Variants in SHANK2 observed in about 807,000 individuals in gnomAD.
The protein encoded by SHANK2 is SH3 and multiple ankyrin repeat domains 2, also known as SH3 and multiple ankyrin repeat domains protein 2.
A neutral mutation model predicts 133.7 loss-of-function variants in SHANK2; 43 were observed. The observed-to-expected ratio is 0.32, with a 90% CI of 0.25 to 0.41. The LOEUF (loss-of-function observed/expected upper bound fraction) is 0.41, where lower values mean the gene tolerates loss of function less well. Ranked by LOEUF, SHANK2 falls within the 10% of genes least tolerant of loss-of-function variation. The probability of loss-of-function intolerance (pLI) is 1.00; values close to 1 mark genes in which losing one functional copy is unlikely to be tolerated. For synonymous variants in SHANK2, 1,017 were observed against 952.8 expected, an observed-to-expected ratio of 1.07 and a Z score of -1.24; for missense variants, 1,994 against 2,235.8, an observed-to-expected ratio of 0.89 and a Z score of 2.18.
intron 14 of SHANK2, among the ~76,000 whole-genome samples, chr11:70,747,454 C>T (rs963841586): frequency 3.3e-5 from 5 of 152,306 alleles, no homozygotes; most frequent in South Asian, 2.1e-4. Context: ...CCATGGGGGC[C>T]GGGTTTCCTT....
At chr11:70,797,410 G>T (rs936872131) in intron 14 of SHANK2, among the ~76,000 whole-genome samples, 1 of 152,198 alleles carries the variant, frequency 6.6e-6, no homozygotes, top group African/African-American at 2.4e-5. Flanking sequence ...GGACTCATCA[G>T]CAGGGAAGCT....
At chr11:71,153,614 C>T (rs1276022887) in intron 2 of SHANK2, among the ~76,000 whole-genome samples, 2 of 152,172 alleles carry the variant, frequency 1.3e-5, no homozygotes, top group East Asian at 1.9e-4. Context: ...AAAAACCTCA[C>T]GGCCAGCGCT....
chr11:71,129,027 T>C (rs1952242733), intron 3 of SHANK2, among the ~76,000 whole-genome samples: 1 of 152,164 alleles, frequency 6.6e-6, no homozygotes, highest in Non-Finnish European at 1.5e-5. Flanking sequence ...CCATGATCCA[T>C]CCGCCTCGGC....
intron 2 of SHANK2, among the ~76,000 whole-genome samples, chr11:71,168,108 CG>C (rs1953221121): frequency 2.1e-5 from 3 of 139,556 alleles, no homozygotes; most frequent in Non-Finnish European, 3.1e-5. Context: ...ACTTCTCAGA[CG>C]GGGCGGTTGC....
chr11:71,253,063 A>G (rs1948216001), upstream of SHANK2, among the ~76,000 whole-genome samples: 1 of 152,312 alleles, frequency 6.6e-6, no homozygotes, highest in South Asian at 2.1e-4. Context: ...TCTGCTGCCC[A>G]GGCCACCAGT....
chr11:70,917,280 A>G (rs1344267682), intron 10 of SHANK2, among the ~76,000 whole-genome samples: 12 of 152,266 alleles, frequency 7.9e-5, no homozygotes, highest in African/African-American at 2.9e-4. Flanking sequence ...ATCACTGATC[A>G]TTAGAGAAAT....
intron 14 of SHANK2, among the ~76,000 whole-genome samples, chr11:70,706,877 G>A (rs543587457): frequency 6.6e-5 from 10 of 152,258 alleles, no homozygotes; most frequent in African/African-American, 2.4e-4. Flanking sequence ...CAGGGCTGCT[G>A]GAAAGAGGAT....
chr11:70,667,031 G>T (rs1333382016), intron 15 of SHANK2, among the ~76,000 whole-genome samples: 6 of 152,042 alleles, frequency 3.9e-5, no homozygotes, highest in Non-Finnish European at 8.8e-5. Context: ...GTACAGCTGT[G>T]CAGGTTGTGC....
At chr11:70,745,201 G>A (rs1163860561) in intron 14 of SHANK2, among the ~76,000 whole-genome samples, 1 of 152,256 alleles carries the variant, frequency 6.6e-6, no homozygotes, top group East Asian at 1.9e-4. Context: ...GTGCTAGTGA[G>A]CCCCGCCTTT....
intron 3 of SHANK2, among the ~76,000 whole-genome samples, chr11:71,139,321 T>A (rs1952507736): frequency 7.5e-6 from 1 of 133,384 alleles, no homozygotes; most frequent in African/African-American, 2.8e-5. Context: ...TTCTCTGCTC[T>A]CCTTGCAACA....
chr11:70,861,302 G>A (rs367829420), intron 11 of SHANK2, among the ~76,000 whole-genome samples: 3 of 152,182 alleles, frequency 2.0e-5, no homozygotes, highest in South Asian at 2.1e-4. Context: ...AAAATGGGTC[G>A]TGAAGGACTA....
intron 3 of SHANK2, among the ~76,000 whole-genome samples, chr11:71,137,620 G>A (rs538998543): frequency 3.9e-5 from 6 of 152,262 alleles, no homozygotes; most frequent in Admixed American, 2.6e-4. Flanking sequence ...GGGCCTGGCC[G>A]AGAAGCCCTC....
chr11:70,467,860 T>C lies in SHANK2; in HGVS notation c.*5009A>G, dbSNP rs1555147456. On this transcript the variant is annotated 3_prime_UTR_variant, in exon 26 of 26. Coordinates refer to ENST00000601538, the MANE Select transcript of SHANK2 (RefSeq NM_012309.5). ...AATTGATAACACAATCTTATTTCAA[T>C]TTACTTTTTATTTTTAACTTAAACG... 6.6e-6 allele frequency: 1 copy of C among 152,620 alleles called. No homozygotes were observed. The highest frequency in any genetic ancestry group is 1.5e-5 in the Non-Finnish European group (1 of 68,040). The allele number at this position is 152,620 out of a possible 1,614,324, so 9.5% of individuals were successfully genotyped here.
In SHANK2 at chr11:70,501,953, C is replaced by T. The variant is rs373433597; in HGVS notation, c.2279-22G>A. On this transcript the variant is annotated intron_variant, in intron 19 of 25. Transcript: ENST00000601538. ...TCCACTAGTGAGAGGCCCAAAAATTCAAAACAAAACAATGTTAGATAAACA... is the reference window on the plus strand; with the variant it reads ...TCCACTAGTGAGAGGCCCAAAAATTTAAAACAAAACAATGTTAGATAAACA... 5.8e-6 allele frequency: 9 copies of T among 1,555,280 alleles called. No homozygotes were observed. In the African/African-American group the frequency reaches 1.2e-4, roughly 21 times the overall value.
chr11:70,942,593 C>T (rs1555084574), intron 10 of SHANK2: 1 of 456,842 alleles, frequency 2.2e-6, no homozygotes, highest in Admixed American at 2.3e-5. Flanking sequence ...CATATCCAAA[C>T]CATAGCACAG....
At chr11:71,129,371 G>A (rs782304910) in intron 3 of SHANK2, among the ~76,000 whole-genome samples, 15 of 151,992 alleles carry the variant, frequency 9.9e-5, no homozygotes, top group Non-Finnish European at 2.1e-4. Flanking sequence ...TGGCCATGCT[G>A]TTGAACAGAG....
chr11:70,871,260 C>A (rs1482774336), intron 11 of SHANK2, among the ~76,000 whole-genome samples: 2 of 152,220 alleles, frequency 1.3e-5, no homozygotes, highest in Non-Finnish European at 2.9e-5. Flanking sequence ...AGTCAGGGGT[C>A]TGGGCTCGCC....
intron 2 of SHANK2, among the ~76,000 whole-genome samples, chr11:71,215,798 C>A (rs1191348384): frequency 1.3e-5 from 2 of 152,162 alleles, no homozygotes; most frequent in Non-Finnish European, 2.9e-5. Flanking sequence ...AAGCGGCACC[C>A]CCACTCTGTA....
intron 14 of SHANK2, among the ~76,000 whole-genome samples, chr11:70,765,858 A>G (rs1302756612): frequency 6.6e-6 from 1 of 152,196 alleles, no homozygotes; most frequent in Non-Finnish European, 1.5e-5. Context: ...GACATTTTGT[A>G]CCTTATATCC....
Sources: allele counts gnomAD v4.1 joint callset (sites outside exome capture counted in the v4.1 genomes callset), GRCh38; gene constraint gnomAD v4.1.1; transcripts MANE v1.5; gene names NCBI Gene and HGNC (gene_info 2026-07-23, HGNC 2026-07-21).